The following ROBO2 variants were observed in gnomAD, a reference collection of about 807,000 sequenced individuals.
ROBO2 encodes the protein roundabout homolog 2.
A neutral mutation model predicts 160.8 loss-of-function variants in ROBO2; 53 were observed. The observed-to-expected ratio is 0.33, with a 90% CI of 0.26 to 0.41. The LOEUF is 0.41. Among genes scored for constraint, ROBO2 ranks in the 10% least tolerant of loss-of-function variants. The pLI, the probability that ROBO2 is intolerant of heterozygous loss-of-function variation, is 1.00. For synonymous variants in ROBO2, 664 were observed against 611.7 expected, an observed-to-expected ratio of 1.09 and a Z score of -1.26; for missense variants, 1,577 against 1,722.4, an observed-to-expected ratio of 0.92 and a Z score of 1.49.
intron 2 of ROBO2, among the ~76,000 whole-genome samples, chr3:76,058,759 G>A (rs554949630): frequency 0.019 from 2,750 of 147,444 alleles, 107 homozygotes; most frequent in African/African-American, 0.067. Context: ...TTAACTCGTT[G>A]TTTGGCATTA....
At chr3:76,149,837 ATCTG>A (rs1393530133) in intron 2 of ROBO2, among the ~76,000 whole-genome samples, 1 of 131,200 alleles carries the variant, frequency 7.6e-6, no homozygotes, top group Middle Eastern at 4.1e-3. Flanking sequence ...TAAAACACAC[ATCTG>A]TCTAAAGCAC....
At chr3:77,036,240 A>T (rs2063628215), upstream of ROBO2, among the ~76,000 whole-genome samples, 2 of 152,090 alleles carry the variant, frequency 1.3e-5, no homozygotes, top group Admixed American at 1.3e-4. Context: ...GGAATTTAAC[A>T]ATATGATGAA....
At chr3:77,268,377 G>A (rs1313069236) in intron 2 of ROBO2, among the ~76,000 whole-genome samples, 1 of 152,036 alleles carries the variant, frequency 6.6e-6, no homozygotes, top group Non-Finnish European at 1.5e-5. Context: ...TACTCACTGT[G>A]CTCTGAATTT....
At chr3:77,223,005 C>T (rs185007216) in intron 2 of ROBO2, among the ~76,000 whole-genome samples, 1 of 152,298 alleles carries the variant, frequency 6.6e-6, no homozygotes, top group East Asian at 1.9e-4. Context: ...GTGACCTCTT[C>T]CCCTTCTATC....
intron 2 of ROBO2, among the ~76,000 whole-genome samples, chr3:77,162,371 T>C (rs1312948900): frequency 1.3e-5 from 2 of 152,222 alleles, no homozygotes; most frequent in African/African-American, 4.8e-5. Flanking sequence ...TTCATAAGTA[T>C]TGACCTTACA....
intron 2 of ROBO2, among the ~76,000 whole-genome samples, chr3:76,210,674 G>A (rs1353203543): frequency 1.3e-5 from 2 of 151,970 alleles, no homozygotes. Flanking sequence ...CTCCAAAAAA[G>A]GGGCAAATAG....
chr3:76,090,982 A>G (rs768658697), intron 2 of ROBO2, among the ~76,000 whole-genome samples: 1 of 152,218 alleles, frequency 6.6e-6, no homozygotes, highest in Non-Finnish European at 1.5e-5. Context: ...AGATGTTAAA[A>G]CACAAAACTA....
chr3:75,952,341 G>A (rs1253694958), intron 2 of ROBO2, among the ~76,000 whole-genome samples: 2 of 151,828 alleles, frequency 1.3e-5, no homozygotes, highest in African/African-American at 4.8e-5. Context: ...ATTTTATTCT[G>A]CTTTATAACA....
At chr3:77,411,018 G>A (rs2076758192) in intron 2 of ROBO2, among the ~76,000 whole-genome samples, 1 of 151,948 alleles carries the variant, frequency 6.6e-6, no homozygotes. Context: ...TTGCCCAGCT[G>A]TTCTCAAATT....
At chr3:76,396,054 A>G (rs551489373) in intron 2 of ROBO2, among the ~76,000 whole-genome samples, 1 of 152,322 alleles carries the variant, frequency 6.6e-6, no homozygotes, top group African/African-American at 2.4e-5. Flanking sequence ...CTTGATGAAC[A>G]TTGATGCAAA....
At chr3:76,964,686 G>T (rs2079942133) in intron 2 of ROBO2, among the ~76,000 whole-genome samples, 3 of 152,132 alleles carry the variant, frequency 2.0e-5, no homozygotes. Context: ...ACTGATATAG[G>T]TCATTCCATC....
intron 2 of ROBO2, among the ~76,000 whole-genome samples, chr3:76,390,848 T>A (rs926607756): frequency 6.6e-6 from 1 of 152,160 alleles, no homozygotes; most frequent in African/African-American, 2.4e-5. Context: ...AATTAAAACT[T>A]CTAAGGACAG....
chr3:76,778,700 T>C (rs1179386757), intron 2 of ROBO2, among the ~76,000 whole-genome samples: 1 of 151,126 alleles, frequency 6.6e-6, no homozygotes, highest in East Asian at 2.0e-4. Flanking sequence ...CAATCTCTTT[T>C]TGCATGGTCT....
chr3:77,094,253 TG>T (rs1264715644), intron 1 of ROBO2, among the ~76,000 whole-genome samples: 2 of 152,220 alleles, frequency 1.3e-5, no homozygotes, highest in African/African-American at 2.4e-5. Context: ...GTACAATATA[TG>T]GTCCATTGCA....
intron 2 of ROBO2, among the ~76,000 whole-genome samples, chr3:76,146,227 T>C (rs1036047554): frequency 2.0e-5 from 3 of 152,018 alleles, no homozygotes; most frequent in African/African-American, 7.2e-5. Flanking sequence ...ACAAAACTGA[T>C]TGCTTTTATT....
intron 2 of ROBO2, among the ~76,000 whole-genome samples, chr3:77,136,595 G>A (rs1018265324): frequency 2.6e-4 from 38 of 144,432 alleles, no homozygotes; most frequent in African/African-American, 9.0e-4. Flanking sequence ...CAACCTCAGC[G>A]TCCCCAGTAG....
rs10706052 is a variant in ROBO2 at position 77,453,375 on chromosome 3, C to CT, written c.389-24028dup. Among the ~76,000 whole-genome samples, 67 of 146,090 alleles carry CT rather than the reference C, an allele frequency of 4.6e-4. 1 individual carries two copies. Among genetic ancestry groups the CT allele is most frequent in the Middle Eastern group, 3.5e-3 (1 of 284 alleles). On this transcript the variant is annotated intron_variant, in intron 2 of 25. Transcript: ENST00000461745. ...TTCCTATTAGTCACAATTTTAAAGC[C>CT]TTTTTTTTTTTCACTTCAATCTCAA...
At chr3:76,412,890 CTA>C (rs1360951548) in intron 2 of ROBO2, among the ~76,000 whole-genome samples, 1 of 152,208 alleles carries the variant, frequency 6.6e-6, no homozygotes, top group African/African-American at 2.4e-5. Flanking sequence ...CCAGTAGAGA[CTA>C]TGTGTGGGGG....
chr3:76,018,623 T>C (rs778947653), intron 2 of ROBO2, among the ~76,000 whole-genome samples: 30 of 151,990 alleles, frequency 2.0e-4, no homozygotes, highest in Non-Finnish European at 7.4e-5. Flanking sequence ...AATTGTTTTT[T>C]TCTGACTTCA....
Sources: gnomAD v4.1 joint callset for allele counts (sites outside exome capture counted in the v4.1 genomes callset) on GRCh38, gnomAD v4.1.1 for gene constraint, MANE v1.5 for transcripts, NCBI Gene and HGNC (gene_info 2026-07-23, HGNC 2026-07-21) for gene names.